The following PCDHA7 variants were observed in gnomAD, a reference collection of about 807,000 sequenced individuals.
PCDHA7 encodes the protein protocadherin alpha-7.
A neutral mutation model predicts 57.2 loss-of-function variants in PCDHA7; 37 were observed. The ratio of observed to expected loss-of-function variants is 0.65; its 90% CI spans 0.50 to 0.85. The LOEUF is 0.85. PCDHA7 is among the 40% of genes least tolerant of loss of function. The pLI is 0.00. For synonymous variants in PCDHA7, 553 were observed against 558.8 expected (o/e 0.99, Z 0.15); for missense variants, 1,188 against 1,241.8 (o/e 0.96, Z 0.65).
chr5:140,875,571 C>T lies in PCDHA7; in HGVS notation c.2355+38833C>T, dbSNP rs782529259. The T allele has an allele frequency of 7.4e-6, 12 of 1,613,992 alleles. No individual in the cohort carries two copies. The Admixed American group carries it at 1.8e-4, about 25-fold the overall frequency. ...AGGTGGGGAGCGGCCAGCTCCACTACTCCGTCTACGAGGAGGCCAAACACG... is the reference window on the plus strand; with the variant it reads ...AGGTGGGGAGCGGCCAGCTCCACTATTCCGTCTACGAGGAGGCCAAACACG... On this transcript the variant is annotated intron_variant, in intron 1 of 3. Transcript: ENST00000525929.
At chr5:140,861,115 A>G (rs1466747567) in intron 1 of PCDHA7, 1 of 152,586 alleles carries the variant, frequency 6.6e-6, no homozygotes, top group Non-Finnish European at 1.5e-5. Context: ...AAAACTACAA[A>G]CACCCATTAA....
chr5:140,855,215 A>G (rs1201048316), intron 1 of PCDHA7, among the ~76,000 whole-genome samples: 8 of 150,030 alleles, frequency 5.3e-5, no homozygotes, highest in East Asian at 1.9e-4. Context: ...CCATTTATGA[A>G]GCACTCATTC....
intron 1 of PCDHA7, among the ~76,000 whole-genome samples, chr5:140,910,225 T>C (rs1194368347): frequency 6.6e-6 from 1 of 152,232 alleles, no homozygotes; most frequent in Non-Finnish European, 1.5e-5. Flanking sequence ...TTTCTGCTTA[T>C]ATAAATTAAA....
chr5:140,992,590 T>C (rs536991072), intron 3 of PCDHA7, among the ~76,000 whole-genome samples: 1 of 152,300 alleles, frequency 6.6e-6, no homozygotes, highest in East Asian at 1.9e-4. Flanking sequence ...TGTATGCATC[T>C]AGCGTCTGTG....
At position 140,839,681 on chromosome 5, in the gene PCDHA7, G is replaced by T. The variant is rs149210485; in HGVS notation, c.2355+2943G>T. On this transcript the variant is annotated intron_variant, in intron 1 of 3. Coordinates refer to ENST00000525929, the MANE Select transcript of PCDHA7 (RefSeq NM_018910.3). Reference sequence around the variant, plus strand: ...GCTACTATTTAGAGTCAACTACAGAGATTTTTTTGGGTAAATAATGTGATG... The same window carrying T: ...GCTACTATTTAGAGTCAACTACAGATATTTTTTTGGGTAAATAATGTGATG... Among the ~76,000 whole-genome samples the T allele has an allele frequency of 4.2e-3, 640 of 152,116 alleles. 7 individuals are homozygous for T. The highest frequency in any genetic ancestry group is 0.033 in the South Asian group (157 of 4,822).
chr5:141,000,616 C>A (rs1227863226), intron 3 of PCDHA7, among the ~76,000 whole-genome samples: 1 of 150,774 alleles, frequency 6.6e-6, no homozygotes, highest in African/African-American at 2.4e-5. Context: ...TTAGTAGAGA[C>A]AGGGTTTCAC....
At chr5:140,910,619 C>T (rs1554194336) in intron 1 of PCDHA7, among the ~76,000 whole-genome samples, 1 of 152,226 alleles carries the variant, frequency 6.6e-6, no homozygotes, top group Non-Finnish European at 1.5e-5. Context: ...TAATCCACTC[C>T]ACCATCCCAA....
chr5:140,963,177 T>A (rs1002604435), intron 1 of PCDHA7, among the ~76,000 whole-genome samples: 1 of 152,194 alleles, frequency 6.6e-6, no homozygotes, highest in East Asian at 1.9e-4. Flanking sequence ...CTTACAGATA[T>A]GCTGTAGACT....
intron 1 of PCDHA7, chr5:140,966,963 G>C: frequency 6.2e-7 from 1 of 1,602,992 alleles, no homozygotes; most frequent in Non-Finnish European, 8.5e-7. Context: ...CGCGCGCTGG[G>C]GCTTGAGCTG....
chr5:140,891,122 G>T (rs572236105), intron 1 of PCDHA7, among the ~76,000 whole-genome samples: 1 of 152,256 alleles, frequency 6.6e-6, no homozygotes, highest in East Asian at 1.9e-4. Context: ...CAATCTAAAT[G>T]TCATTCCTTT....
intron 1 of PCDHA7, among the ~76,000 whole-genome samples, chr5:140,974,578 C>T (rs1554236214): frequency 6.6e-6 from 1 of 152,170 alleles, no homozygotes; most frequent in Admixed American, 6.5e-5. Flanking sequence ...ATGGCATGAT[C>T]TTGGCTCACT....
chr5:140,876,979 G>A (rs1554169178), intron 1 of PCDHA7: 2 of 1,612,614 alleles, frequency 1.2e-6, no homozygotes, highest in South Asian at 2.2e-5. Flanking sequence ...GGGCGAGCAC[G>A]CACTGTCGAG....
chr5:140,858,041 C>A (rs1446194845), intron 1 of PCDHA7: 1 of 1,596,846 alleles, frequency 6.3e-7, no homozygotes, highest in East Asian at 2.2e-5. Context: ...GGCCACTGTG[C>A]TTGTGTCGCT....
intron 1 of PCDHA7, among the ~76,000 whole-genome samples, chr5:140,960,972 T>G (rs936519951): frequency 4.9e-4 from 75 of 152,306 alleles, no homozygotes; most frequent in Non-Finnish European, 2.2e-4. Flanking sequence ...GCAGTTGCAA[T>G]TCTTGTTCCA....
At chr5:140,861,372 A>C (rs2046882996) in intron 1 of PCDHA7, 3 of 407,054 alleles carry the variant, frequency 7.4e-6, no homozygotes, top group Non-Finnish European at 1.5e-5. Flanking sequence ...CGCGGTCCCT[A>C]TTGCGCAGGA....
At chr5:140,860,671 T>G (rs1339790199) in intron 1 of PCDHA7, 4 of 152,218 alleles carry the variant, frequency 2.6e-5, no homozygotes, top group Non-Finnish European at 2.9e-5. Flanking sequence ...TGAAATCAAA[T>G]GCACTTATGT....
chr5:140,863,769 C>T (rs1032568276), intron 1 of PCDHA7: 6 of 236,858 alleles, frequency 2.5e-5, no homozygotes, highest in African/African-American at 1.1e-4. Context: ...GAAGCCGAGG[C>T]GGGCGGATCA....
At chr5:140,913,966 A>C (rs2076538227) in intron 1 of PCDHA7, among the ~76,000 whole-genome samples, 1 of 152,156 alleles carries the variant, frequency 6.6e-6, no homozygotes, top group Non-Finnish European at 1.5e-5. Context: ...TTTTTAAAAA[A>C]ATATTTTAGG....
intron 1 of PCDHA7, chr5:140,841,384 C>T (rs1222164678): frequency 1.2e-6 from 2 of 1,613,362 alleles, no homozygotes; most frequent in Non-Finnish European, 1.7e-6. Context: ...TTCTGCTCCT[C>T]GCAGCCTGGA....
Sources: allele counts gnomAD v4.1 joint callset (sites outside exome capture counted in the v4.1 genomes callset), GRCh38; gene constraint gnomAD v4.1.1; transcripts MANE v1.5; gene names NCBI Gene and HGNC (gene_info 2026-07-23, HGNC 2026-07-21).